Variants in INPP5B observed in about 807,000 individuals in gnomAD.
INPP5B encodes inositol polyphosphate-5-phosphatase B.
Under a neutral mutation model 118.5 loss-of-function variants are expected in INPP5B, and 90 were observed. That is an observed-to-expected ratio of 0.76 (90% CI 0.64 to 0.90). The LOEUF is 0.90. Ranked by LOEUF, INPP5B falls within the 40% of genes least tolerant of loss-of-function variation. INPP5B has a pLI of 0.00. For missense variants in INPP5B, 984 were observed against 1,125.6 expected (o/e 0.87, Z 1.80); for synonymous variants, 385 against 418.9 (o/e 0.92, Z 0.99).
chr1:37,931,897 C>T lies in INPP5B; in HGVS notation c.532+16G>A, dbSNP rs1449757004. The T allele has an allele frequency of 2.5e-6, 4 of 1,613,824 alleles. No homozygotes were observed. The highest frequency in any genetic ancestry group is 3.4e-6 in the Non-Finnish European group (4 of 1,180,048). On this transcript the variant is annotated intron_variant, in intron 7 of 23. Coordinates refer to ENST00000373024, the MANE Select transcript of INPP5B (RefSeq NM_005540.3). The stretch of plus-strand genomic sequence containing the variant: ...CTCCTCCAATCCCCACCGTTTCTTC[C>T]GGGACGGATACCTGCCTCCGCCAAT...
chr1:37,881,915 C>T (rs534815923), intron 14 of INPP5B, among the ~76,000 whole-genome samples: 40 of 152,058 alleles, frequency 2.6e-4, no homozygotes, highest in Middle Eastern at 3.4e-3. Flanking sequence ...CTGGCCAGCA[C>T]GGTGAAACCC....
At chr1:37,871,339 T>C (rs1302005838) in intron 19 of INPP5B, among the ~76,000 whole-genome samples, 1 of 150,564 alleles carries the variant, frequency 6.6e-6, no homozygotes, top group African/African-American at 2.5e-5. Flanking sequence ...GCACCTGTAA[T>C]GCCAGCTACT....
chr1:37,874,591 A>G (rs1336063551), intron 17 of INPP5B, among the ~76,000 whole-genome samples: 1 of 152,166 alleles, frequency 6.6e-6, no homozygotes, highest in Non-Finnish European at 1.5e-5. Context: ...TGAGCTCAGG[A>G]GTTCAAGACC....
rs771653758 is a variant in INPP5B, at chr1:37,868,491, C to G, written c.2301+10G>C. ...CCTCAATCAGGTCTGAATGCTTAAA[C>G]ACAACCTACCTGCTGGACAGCATTT... On this transcript the variant is annotated intron_variant, in intron 20 of 23. Coordinates refer to ENST00000373024, the MANE Select transcript of INPP5B (RefSeq NM_005540.3). The G allele has an allele frequency of 5.0e-6, 8 of 1,600,774 alleles. No individual in the cohort carries two copies. Among genetic ancestry groups the G allele is most frequent in the Non-Finnish European group, 6.8e-6 (8 of 1,167,990 alleles).
In INPP5B at chr1:37,903,493, G is replaced by A. The variant is rs370365902; in HGVS notation, c.533-12039C>T. Reference sequence around the variant, plus strand: ...TGTAATCCCAGCACTTTGAGAGGCCGAGACGGGTGGATCACCAGGTCAGGA... The same window carrying A: ...TGTAATCCCAGCACTTTGAGAGGCCAAGACGGGTGGATCACCAGGTCAGGA... On this transcript the variant is annotated intron_variant, in intron 7 of 23. Transcript: ENST00000373024. Among the ~76,000 whole-genome samples the A allele has an allele frequency of 5.8e-4, 89 of 152,292 alleles. No individual in the cohort carries two copies. In the East Asian group the frequency reaches 0.011, roughly 19 times the overall value.
rs1381741932 is a variant in INPP5B at position 37,900,618 on chromosome 1, CT to C, written c.533-9165del. On this transcript the variant is annotated intron_variant, in intron 7 of 23. Coordinates refer to ENST00000373024, the MANE Select transcript of INPP5B (RefSeq NM_005540.3). Reference sequence around the variant, plus strand: ...ATCTCCATGTTTACTTTGAATTTTTCTTTTTTTTTTTCTTTTTTTTTTTTGA... The same window carrying C: ...ATCTCCATGTTTACTTTGAATTTTTCTTTTTTTTTTCTTTTTTTTTTTTGA... Among the ~76,000 whole-genome samples the C allele has an allele frequency of 1.8e-3, 255 of 139,972 alleles. 1 individual carries two copies. The highest frequency in any genetic ancestry group is 5.8e-3 in the African/African-American group (223 of 38,426). The allele number at this position is 139,972 out of a possible 152,430, so 91.8% of individuals were successfully genotyped here. A position where few individuals can be genotyped will look rare whatever the true frequency, so the allele number is the denominator to read the frequency against.
chr1:37,945,887 G>C, intron 2 of INPP5B, 37 bp from the exon 3 acceptor site: 3 of 1,574,600 alleles, frequency 1.9e-6, no homozygotes, highest in Non-Finnish European at 2.6e-6. Flanking sequence ...ACCCAGAGGC[G>C]AGGCCTCTCC....
chr1:37,861,370 G>A lies in INPP5B; in HGVS notation c.*945C>T, dbSNP rs1002535591. The A allele has an allele frequency of 1.3e-5, 2 of 152,236 alleles. No homozygotes were observed. The highest frequency in any genetic ancestry group is 2.4e-5 in the African/African-American group (1 of 41,446). The allele number at this position is 152,236 out of a possible 1,614,324, so 9.4% of individuals were successfully genotyped here. ...TTTCCATCAAATATCTGATCATGGG[G>A]ATCTCAGCCCAGACTGACTATGCCC... On this transcript the variant is annotated 3_prime_UTR_variant, in exon 24 of 24. Transcript: ENST00000373024.
intron 13 of INPP5B, chr1:37,883,883 G>T: frequency 1.6e-5 from 16 of 975,926 alleles, no homozygotes; most frequent in Non-Finnish European, 1.9e-5. Context: ...TAAAAGAAGT[G>T]GCGTATGTTA....
chr1:37,889,131 A>G (rs1643698300), intron 9 of INPP5B, among the ~76,000 whole-genome samples: 1 of 152,206 alleles, frequency 6.6e-6, no homozygotes, highest in Non-Finnish European at 1.5e-5. Context: ...CAGCTACTCC[A>G]GCAGCTGAGG....
chr1:37,877,507 G>T (rs1642917241), intron 16 of INPP5B, among the ~76,000 whole-genome samples: 1 of 152,142 alleles, frequency 6.6e-6, no homozygotes, highest in Non-Finnish European at 1.5e-5. Flanking sequence ...ACTTATACAT[G>T]GTTGGTAGAA....
At chr1:37,905,953 T>G (rs2148583715) in intron 7 of INPP5B, among the ~76,000 whole-genome samples, 1 of 152,318 alleles carries the variant, frequency 6.6e-6, no homozygotes, top group Middle Eastern at 3.4e-3. Context: ...TGAACAAAAT[T>G]TAGACCGTAT....
intron 6 of INPP5B, among the ~76,000 whole-genome samples, chr1:37,937,232 A>C (rs934028251): frequency 2.0e-5 from 3 of 151,856 alleles, no homozygotes; most frequent in African/African-American, 7.3e-5. Context: ...AGTCACTTGA[A>C]TCCAAGAGGC....
intron 7 of INPP5B, among the ~76,000 whole-genome samples, chr1:37,893,074 A>AT (rs1643893745): frequency 1.2e-5 from 1 of 84,820 alleles, no homozygotes; most frequent in African/African-American, 5.0e-5. Context: ...TTTTTTTATT[A>AT]TTTTCTTTTT....
intron 20 of INPP5B, among the ~76,000 whole-genome samples, chr1:37,867,723 T>C (rs1642131198): frequency 6.6e-6 from 1 of 152,184 alleles, no homozygotes; most frequent in African/African-American, 2.4e-5. Context: ...CTGAAACCTA[T>C]ATAAACAGGT....
chr1:37,891,681 G>A (rs1643856010), intron 7 of INPP5B, among the ~76,000 whole-genome samples: 1 of 152,160 alleles, frequency 6.6e-6, no homozygotes, highest in Non-Finnish European at 1.5e-5. Flanking sequence ...GGCTGAGGCA[G>A]GAGAATCGCT....
intron 6 of INPP5B, among the ~76,000 whole-genome samples, chr1:37,934,027 G>T (rs985614084): frequency 6.6e-6 from 1 of 151,546 alleles, no homozygotes; most frequent in East Asian, 1.9e-4. Flanking sequence ...TCCGCCTCCC[G>T]GGTTCAAATG....
chr1:37,921,447 T>G (rs1344927956), intron 7 of INPP5B, among the ~76,000 whole-genome samples: 2 of 152,240 alleles, frequency 1.3e-5, no homozygotes, highest in African/African-American at 4.8e-5. Context: ...GTTTTGTTAC[T>G]TTCTTCAAAG....
intron 13 of INPP5B, chr1:37,884,005 G>T: frequency 7.3e-6 from 2 of 272,316 alleles, no homozygotes; most frequent in Non-Finnish European, 1.1e-5. Context: ...GCTCTCAGAA[G>T]CTGCAACTAT....
Sources: allele counts gnomAD v4.1 joint callset (sites outside exome capture counted in the v4.1 genomes callset), GRCh38; gene constraint gnomAD v4.1.1; transcripts MANE v1.5; gene names NCBI Gene and HGNC (gene_info 2026-07-23, HGNC 2026-07-21).